The following UTY variants were observed in gnomAD, a reference collection of about 807,000 sequenced individuals.
The protein encoded by UTY is histone demethylase UTY.
Under a neutral mutation model 32.5 loss-of-function variants are expected in UTY, and 12 were observed. The observed-to-expected ratio is 0.37, with a 90% CI of 0.24 to 0.60. The LOEUF is 0.60. Ranked by LOEUF, UTY falls within the 20% of genes least tolerant of loss-of-function variation. The pLI, the probability that UTY is intolerant of heterozygous loss-of-function variation, is 0.69. For synonymous variants in UTY, 131 were observed against 103.4 expected (o/e 1.27, Z -1.62); for missense variants, 303 against 299.2 (o/e 1.01, Z -0.09).
At chrY:13,387,158 A>C in intron 8 of UTY, among the ~76,000 whole-genome samples, 5 of 33,321 alleles carry the variant, frequency 1.5e-4, no homozygotes, top group African/African-American at 2.3e-4. Flanking sequence ...AGTAACTTAC[A>C]AAACATAAGT....
At position 13,366,376 on chromosome Y, in the gene UTY, T is replaced by C; in HGVS notation, c.757A>G (p.Met253Val). The part of the protein sequence containing the change: ...LQQLGWMHHN[M>V]DLVGDKATKE... ...GTGGCTTTGTCTCCTACTAGATCCATATTATGATGCATCCAACCTATAATT... is the reference window on the plus strand; with the variant it reads ...GTGGCTTTGTCTCCTACTAGATCCACATTATGATGCATCCAACCTATAATT... The change falls in exon 10 of 30, where the codon ATG becomes GTG. Residue 253 changes from methionine to valine, a missense_variant. By Grantham distance (21) the Met-to-Val change is conservative (BLOSUM62 1). Coordinates refer to ENST00000545955, the MANE Select transcript of UTY (RefSeq NM_001258249.2). 10 of 378,466 alleles carry C rather than the reference T, an allele frequency of 2.6e-5. No individual in the cohort carries two copies. Among genetic ancestry groups the C allele is most frequent in the Non-Finnish European group, 3.7e-5 (10 of 272,429 alleles). The allele number at this position is 378,466 out of a possible 400,897, so 94.4% of individuals were successfully genotyped here.
intron 3 of UTY, among the ~76,000 whole-genome samples, chrY:13,460,944 G>A: frequency 6.1e-5 from 2 of 32,783 alleles, no homozygotes; most frequent in East Asian, 1.5e-3. Context: ...ACGAGATGTT[G>A]TACACGAGAA....
intron 21 of UTY, among the ~76,000 whole-genome samples, chrY:13,316,538 G>T (rs2059497131): frequency 3.1e-5 from 1 of 32,587 alleles, no homozygotes; most frequent in African/African-American, 1.2e-4. Context: ...ACTGAACTGT[G>T]GTTTGCTTTG....
intron 28 of UTY, among the ~76,000 whole-genome samples, chrY:13,241,228 A>G: frequency 9.2e-5 from 3 of 32,705 alleles, no homozygotes; most frequent in African/African-American, 3.6e-4. Flanking sequence ...GAACTGTGGA[A>G]ACTATACATA....
intron 21 of UTY, among the ~76,000 whole-genome samples, chrY:13,311,219 T>C (rs2059043977): frequency 3.0e-5 from 1 of 33,697 alleles, no homozygotes; most frequent in Non-Finnish European, 7.3e-5. Context: ...TTTTGACACA[T>C]TGTCAGACCA....
At chrY:13,330,926 G>A in intron 18 of UTY, among the ~76,000 whole-genome samples, 2 of 33,390 alleles carry the variant, frequency 6.0e-5, no homozygotes. Flanking sequence ...CCAAGAGGCT[G>A]GGGCCAGACT....
chrY:13,311,353 TG>T (rs2059057928), intron 21 of UTY, among the ~76,000 whole-genome samples: 2 of 32,621 alleles, frequency 6.1e-5, no homozygotes, highest in African/African-American at 2.4e-4. Flanking sequence ...CCCAGCACTT[TG>T]GGAGACCGAG....
At chrY:13,367,987 C>T in intron 9 of UTY, among the ~76,000 whole-genome samples, 1 of 31,777 alleles carries the variant, frequency 3.1e-5, no homozygotes, top group East Asian at 8.0e-4. Context: ...ATCTAATTTA[C>T]TTAAGTCAAA....
At chrY:13,298,914 T>C in intron 26 of UTY, 43 bp downstream of exon 26, 1 of 330,064 alleles carries the variant, frequency 3.0e-6, no homozygotes, top group Non-Finnish European at 4.4e-6. Context: ...TACTAGGTAA[T>C]CCTTTAAAAT....
At chrY:13,461,747 G>A (rs2077386865) in intron 3 of UTY, among the ~76,000 whole-genome samples, 1 of 33,347 alleles carries the variant, frequency 3.0e-5, no homozygotes, top group East Asian at 7.9e-4. Flanking sequence ...AGAGATTCTC[G>A]TCTCAGTCCC....
intron 8 of UTY, among the ~76,000 whole-genome samples, chrY:13,378,782 A>T (rs531262091): frequency 1.3e-4 from 4 of 30,034 alleles, no homozygotes; most frequent in African/African-American, 2.6e-4. Context: ...TCAAAAAAAA[A>T]TTTTTTTTTT....
intron 27 of UTY, among the ~76,000 whole-genome samples, chrY:13,262,327 G>T (rs2055336385): frequency 3.1e-5 from 1 of 32,382 alleles, no homozygotes; most frequent in East Asian, 8.0e-4. Flanking sequence ...AAAAGGTAAA[G>T]TTTGCATGAT....
intron 28 of UTY, among the ~76,000 whole-genome samples, chrY:13,239,063 CAT>C (rs2053875972): frequency 3.0e-5 from 1 of 33,377 alleles, no homozygotes; most frequent in African/African-American, 1.2e-4. Context: ...TTTTAAAACA[CAT>C]GTTTAAAAAA....
chrY:13,245,268 G>A (rs1339414059), downstream of UTY, among the ~76,000 whole-genome samples: 13 of 33,450 alleles, frequency 3.9e-4, no homozygotes, highest in Non-Finnish European at 9.6e-4. Context: ...GCACTAACCC[G>A]AAGAGATCTC....
intron 18 of UTY, among the ~76,000 whole-genome samples, chrY:13,330,584 C>T (rs948851936): frequency 3.3e-4 from 11 of 33,778 alleles, no homozygotes; most frequent in Admixed American, 2.7e-3. Context: ...CAAAACTGAG[C>T]GGCTGTTTGG....
chrY:13,252,473 T>C (rs2054308725), intron 28 of UTY, among the ~76,000 whole-genome samples: 2 of 33,841 alleles, frequency 5.9e-5, no homozygotes, highest in Non-Finnish European at 1.5e-4. Flanking sequence ...ACCATTCTAA[T>C]AGCGTCCACA....
rs372311331 is a variant in UTY at position 13,255,200 on chromosome Y, G to A, written c.4138-4013C>T. 0.012 allele frequency among the ~76,000 whole-genome samples: 399 copies of A among 33,242 alleles called. No individual in the cohort carries two copies. The Middle Eastern group carries it at 0.27, about 23-fold the overall frequency. The allele number at this position is 33,242 out of a possible 37,273, so 89.2% of individuals were successfully genotyped here. A position where few individuals can be genotyped will look rare whatever the true frequency, so the allele number is the denominator to read the frequency against. On this transcript the variant is annotated intron_variant, in intron 28 of 29. Transcript: ENST00000545955. ...ATAACTTCTGTACCTATATATTTAT[G>A]GGGAAGAGATTTATTACAACAATGG...
At chrY:13,447,605 A>G (rs2076036974) in intron 4 of UTY, among the ~76,000 whole-genome samples, 1 of 34,114 alleles carries the variant, frequency 2.9e-5, no homozygotes, top group Non-Finnish European at 7.3e-5. Context: ...TAATGATTAA[A>G]AGTGATGAAA....
chrY:13,417,811 C>T (rs2071900504), intron 4 of UTY, among the ~76,000 whole-genome samples: 3 of 33,305 alleles, frequency 9.0e-5, no homozygotes, highest in Admixed American at 2.7e-4. Flanking sequence ...ATTTATGGGG[C>T]GCATTTTAAA....
Sources: allele counts gnomAD v4.1 joint callset (sites outside exome capture counted in the v4.1 genomes callset), GRCh38; gene constraint gnomAD v4.1.1; transcripts MANE v1.5; gene names NCBI Gene and HGNC (gene_info 2026-07-23, HGNC 2026-07-21).